SLC44A5: variants seen among roughly 807,000 people sequenced by gnomAD.
SLC44A5 encodes choline transporter-like protein 5.
In SLC44A5, 57 loss-of-function variants were observed where a neutral mutation model predicts 101.8. That is an observed-to-expected ratio of 0.56 (90% CI 0.45 to 0.70). SLC44A5 has a LOEUF of 0.70. Ranked by LOEUF, SLC44A5 falls within the 30% of genes least tolerant of loss-of-function variation. The pLI is 0.00. For synonymous variants in SLC44A5, 281 were observed against 290.9 expected (o/e 0.97, Z 0.35); for missense variants, 737 against 853.1 (o/e 0.86, Z 1.70).
the SLC44A5 span, among the ~76,000 whole-genome samples, chr1:75,692,023 T>G: frequency 6.6e-6 from 1 of 152,036 alleles, no homozygotes; most frequent in Non-Finnish European, 1.5e-5. Flanking sequence ...AACACAAATT[T>G]AGATATAAAA....
chr1:75,476,813 T>A (rs1264894590), intron 2 of SLC44A5, among the ~76,000 whole-genome samples: 1 of 152,238 alleles, frequency 6.6e-6, no homozygotes, highest in Non-Finnish European at 1.5e-5. Context: ...AGGCTCCACC[T>A]CTGGGGGCAG....
At chr1:75,429,158 T>C (rs1160837883) in intron 2 of SLC44A5, among the ~76,000 whole-genome samples, 1 of 152,186 alleles carries the variant, frequency 6.6e-6, no homozygotes, top group African/African-American at 2.4e-5. Context: ...TTCTAATATT[T>C]AAACAACTAA....
At chr1:75,217,777 A>T (rs1185687809) in intron 18 of SLC44A5, 89 bp downstream of exon 18, 4 of 831,164 alleles carry the variant, frequency 4.8e-6, no homozygotes, top group Middle Eastern at 2.2e-4. Flanking sequence ...CATCCTTACT[A>T]CCCTAGTCCA....
At chr1:75,663,538 C>A in the SLC44A5 span, among the ~76,000 whole-genome samples, 39,189 of 152,104 alleles carry the variant, frequency 0.26, 5,388 homozygotes, top group Middle Eastern at 0.37. Flanking sequence ...ATGAACACTT[C>A]TGTGCACACA....
intron 6 of SLC44A5, among the ~76,000 whole-genome samples, chr1:75,255,814 C>T (rs1570483856): frequency 6.6e-6 from 1 of 152,094 alleles, no homozygotes; most frequent in East Asian, 1.9e-4. Context: ...ATTCTACTGG[C>T]ATTAGACATT....
chr1:75,444,247 G>A (rs1665377281), intron 2 of SLC44A5, among the ~76,000 whole-genome samples: 1 of 151,340 alleles, frequency 6.6e-6, no homozygotes, highest in Non-Finnish European at 1.5e-5. Flanking sequence ...AACCTGGAAG[G>A]TGGAGGTTGC....
At chr1:75,341,651 G>A (rs1245161187) in intron 3 of SLC44A5, among the ~76,000 whole-genome samples, 1 of 152,092 alleles carries the variant, frequency 6.6e-6, no homozygotes, top group Non-Finnish European at 1.5e-5. Flanking sequence ...ATGCTGTGGG[G>A]CACAGGGCGG....
At chr1:75,349,811 A>T (rs1462844174) in intron 3 of SLC44A5, among the ~76,000 whole-genome samples, 6 of 152,194 alleles carry the variant, frequency 3.9e-5, no homozygotes, top group African/African-American at 9.6e-5. Context: ...GGTATTATTT[A>T]AAAAAAGGGT....
In SLC44A5 at chr1:75,203,781, A is replaced by T. The variant is rs1274260639; in HGVS notation, c.2100T>A (p.Ser700Arg). 1 of 1,550,230 alleles carries T rather than the reference A, an allele frequency of 6.5e-7. No individual in the cohort carries two copies. The highest frequency in any genetic ancestry group is 1.2e-5 in the South Asian group (1 of 83,688). ...DGSTARPYYV[S>R]QPLLKIFQEE... The stretch of plus-strand genomic sequence containing the variant: ...CCTGGAAAATCTTCAGCAAAGGTTG[A>T]CTCACATAATAAGGTCTTGCAGTAG... The change falls in exon 24 of 24, where the codon AGT (serine) becomes AGA (arginine). Residue 700 changes from serine to arginine, a missense_variant. By Grantham distance (110) the Ser-to-Arg change is moderately radical (BLOSUM62 -1). Coordinates refer to ENST00000370859, the MANE Select transcript of SLC44A5 (RefSeq NM_001130058.2).
intron 2 of SLC44A5, among the ~76,000 whole-genome samples, chr1:75,494,504 A>G (rs1384961394): frequency 6.6e-6 from 1 of 152,108 alleles, no homozygotes; most frequent in Non-Finnish European, 1.5e-5. Context: ...ACAGGCAATC[A>G]CTAATGCCCT....
intron 5 of SLC44A5, among the ~76,000 whole-genome samples, chr1:75,286,550 G>A (rs1653067343): frequency 6.6e-6 from 1 of 151,906 alleles, no homozygotes; most frequent in Non-Finnish European, 1.5e-5. Flanking sequence ...TTTTCATTGT[G>A]TTATTGTTTT....
chr1:75,679,676 C>A, the SLC44A5 span, among the ~76,000 whole-genome samples: 1 of 151,856 alleles, frequency 6.6e-6, no homozygotes, highest in Non-Finnish European at 1.5e-5. Flanking sequence ...ATGTAAAGAC[C>A]ATCGAGACTA....
intron 3 of SLC44A5, among the ~76,000 whole-genome samples, chr1:75,384,350 G>A (rs1661141044): frequency 6.8e-6 from 1 of 146,946 alleles, no homozygotes. Flanking sequence ...CAAAATAAAA[G>A]GATGGAGGAA....
At chr1:75,450,060 T>G (rs1395720137) in intron 2 of SLC44A5, among the ~76,000 whole-genome samples, 3 of 152,046 alleles carry the variant, frequency 2.0e-5, no homozygotes, top group African/African-American at 7.2e-5. Flanking sequence ...TTTATTTAAT[T>G]CAAGAAGAAA....
At chr1:75,334,501 G>T (rs1292580515) in intron 4 of SLC44A5, among the ~76,000 whole-genome samples, 1 of 152,136 alleles carries the variant, frequency 6.6e-6, no homozygotes, top group Non-Finnish European at 1.5e-5. Flanking sequence ...GACAAAATCT[G>T]CAAGGTTTTA....
chr1:75,590,089 G>C (rs559039053), intron 1 of SLC44A5, among the ~76,000 whole-genome samples: 7 of 151,922 alleles, frequency 4.6e-5, no homozygotes, highest in Non-Finnish European at 1.0e-4. Context: ...ACACCAGCTG[G>C]GGTAACCAAG....
chr1:75,217,750 T>G, intron 18 of SLC44A5, 116 bp downstream of exon 18: 1 of 712,234 alleles, frequency 1.4e-6, no homozygotes. Flanking sequence ...ACAGAACGGG[T>G]CCCAAATATG....
At chr1:75,687,466 G>A in the SLC44A5 span, among the ~76,000 whole-genome samples, 1 of 152,034 alleles carries the variant, frequency 6.6e-6, no homozygotes, top group Non-Finnish European at 1.5e-5. Flanking sequence ...AACACGCCTG[G>A]CTAATTTTTG....
chr1:75,531,921 G>A (rs765823671), intron 2 of SLC44A5, among the ~76,000 whole-genome samples: 1 of 152,196 alleles, frequency 6.6e-6, no homozygotes, highest in Non-Finnish European at 1.5e-5. Context: ...AGCCAAAACA[G>A]TAGAGAATAG....
Sources: allele counts gnomAD v4.1 joint callset (sites outside exome capture counted in the v4.1 genomes callset), GRCh38; gene constraint gnomAD v4.1.1; transcripts MANE v1.5; gene names NCBI Gene and HGNC (gene_info 2026-07-23, HGNC 2026-07-21).